CCDC60: variants seen among roughly 807,000 people sequenced by gnomAD.
The protein encoded by CCDC60 is coiled-coil domain-containing protein 60.
CCDC60 carries 54 observed loss-of-function variants against 63.5 expected under a neutral mutation model. The ratio of observed to expected loss-of-function variants is 0.85; its 90% CI spans 0.68 to 1.07. The LOEUF (loss-of-function observed/expected upper bound fraction) is 1.07, where lower values mean the gene tolerates loss of function less well. Ranked by LOEUF, CCDC60 falls within the 50% of genes least tolerant of loss-of-function variation. CCDC60 has a pLI of 0.00. For missense variants in CCDC60, 651 were observed against 684.3 expected, an observed-to-expected ratio of 0.95 and a Z score of 0.54; for synonymous variants, 206 against 238.8, an observed-to-expected ratio of 0.86 and a Z score of 1.27.
intron 2 of CCDC60, among the ~76,000 whole-genome samples, chr12:119,449,175 G>A (rs900236052): frequency 7.2e-5 from 11 of 152,120 alleles, no homozygotes; most frequent in African/African-American, 1.4e-4. Context: ...AGATTCTACC[G>A]TCAATCAAAG....
intron 2 of CCDC60, among the ~76,000 whole-genome samples, chr12:119,442,842 C>T (rs921785532): frequency 6.6e-6 from 1 of 152,232 alleles, no homozygotes; most frequent in African/African-American, 2.4e-5. Context: ...TTGCTGACAA[C>T]TTCATAAATG....
intron 3 of CCDC60, 136 bp from the exon 4 acceptor site, chr12:119,478,958 C>G (rs759942880): frequency 3.7e-5 from 25 of 677,338 alleles, no homozygotes; most frequent in African/African-American, 5.4e-5. Flanking sequence ...AAACCCTCAT[C>G]CCTCCAGCAG....
Position 119,540,951 on chromosome 12 carries a change from A to G in CCDC60, c.*236A>G, listed in dbSNP as rs559649977. On this transcript the variant is annotated 3_prime_UTR_variant, in exon 14 of 14. Transcript: ENST00000327554. ...CCCAACCTACCAGTCTCTGTTCTTC[A>G]ATGATCCAGCCTGACTCTACCTACT... 2.7e-5 allele frequency: 12 copies of G among 439,818 alleles called. No individual in the cohort carries two copies. The highest frequency in any genetic ancestry group is 2.2e-4 in the African/African-American group (11 of 49,226). The allele number at this position is 439,818 out of a possible 1,614,324, so 27.2% of individuals were successfully genotyped here.
At chr12:119,533,790 G>A (rs1398506566) in intron 13 of CCDC60, among the ~76,000 whole-genome samples, 2 of 152,054 alleles carry the variant, frequency 1.3e-5, no homozygotes, top group African/African-American at 2.4e-5. Context: ...GTCTGTTTTG[G>A]TACCAGTACC....
At chr12:119,415,142 G>A (rs1956676936) in intron 1 of CCDC60, among the ~76,000 whole-genome samples, 1 of 152,156 alleles carries the variant, frequency 6.6e-6, no homozygotes, top group Admixed American at 6.5e-5. Context: ...CATTCACTTA[G>A]ACTAAAATGC....
intron 1 of CCDC60, among the ~76,000 whole-genome samples, chr12:119,373,336 G>T (rs1451843330): frequency 2.0e-5 from 3 of 152,130 alleles, no homozygotes; most frequent in Non-Finnish European, 4.4e-5. Flanking sequence ...AAGAAAAGCT[G>T]GCTCCAATCA....
At chr12:119,519,407 G>A (rs989436157) in intron 8 of CCDC60, among the ~76,000 whole-genome samples, 1 of 93,052 alleles carries the variant, frequency 1.1e-5, no homozygotes, top group Admixed American at 1.0e-4. Context: ...ATATATGTGT[G>A]TGTGTGTGTG....
chr12:119,465,474 C>T (rs1428909204), intron 2 of CCDC60, among the ~76,000 whole-genome samples: 1 of 151,188 alleles, frequency 6.6e-6, no homozygotes, highest in Non-Finnish European at 1.5e-5. Flanking sequence ...ATGTATAAAG[C>T]AGACCGGGCG....
At chr12:119,417,992 A>G (rs2136211445) in intron 1 of CCDC60, among the ~76,000 whole-genome samples, 1 of 152,266 alleles carries the variant, frequency 6.6e-6, no homozygotes, top group East Asian at 1.9e-4. Flanking sequence ...GTCACTTCAT[A>G]TTTTTTCCCT....
In CCDC60 at chr12:119,410,931, G is replaced by C. The variant is rs925409562; in HGVS notation, c.91-17752G>C. ...CTAATTTTTGTATTTTTTTTTAGTA[G>C]AGACAGGGTTTTGCCATGTTGGCTA... is the stretch of plus-strand genomic sequence containing the variant. On this transcript the variant is annotated intron_variant, in intron 1 of 13. Coordinates refer to ENST00000327554, the MANE Select transcript of CCDC60 (RefSeq NM_178499.5). The surrounding 1 kb of genome is among the most constrained non-coding windows in gnomAD (Gnocchi z 4.0). 6.6e-6 allele frequency among the ~76,000 whole-genome samples: 1 copy of C among 151,950 alleles called. No homozygotes were observed. The highest frequency in any genetic ancestry group is 6.6e-5 in the Admixed American group (1 of 15,260).
chr12:119,519,616 C>T (rs1169534642), intron 8 of CCDC60, among the ~76,000 whole-genome samples: 1 of 151,754 alleles, frequency 6.6e-6, no homozygotes, highest in East Asian at 1.9e-4. Context: ...ACATGCACCA[C>T]CACACTCGGC....
chr12:119,453,503 T>C (rs1024691044), intron 2 of CCDC60, among the ~76,000 whole-genome samples: 11 of 152,238 alleles, frequency 7.2e-5, no homozygotes, highest in South Asian at 4.1e-4. Context: ...CCAAGCATTT[T>C]TCCTACCACC....
intron 4 of CCDC60, among the ~76,000 whole-genome samples, chr12:119,482,143 T>C (rs893339580): frequency 4.9e-5 from 7 of 143,484 alleles, no homozygotes; most frequent in East Asian, 3.9e-4. Context: ...CACATATATA[T>C]ACACACACAC....
intron 1 of CCDC60, among the ~76,000 whole-genome samples, chr12:119,425,569 G>C (rs1011318100): frequency 5.3e-5 from 8 of 152,216 alleles, no homozygotes; most frequent in Non-Finnish European, 1.0e-4. Context: ...CAAGATTCCA[G>C]TGAAGCTTGA....
intron 2 of CCDC60, among the ~76,000 whole-genome samples, chr12:119,431,752 CACTGCA>C (rs969538830): frequency 6.6e-6 from 1 of 152,196 alleles, no homozygotes; most frequent in African/African-American, 2.4e-5. Context: ...AGTCTCAGCT[CACTGCA>C]ACCTCCGCCT....
intron 1 of CCDC60, among the ~76,000 whole-genome samples, chr12:119,413,123 T>G (rs1195014252): frequency 6.6e-6 from 1 of 152,200 alleles, no homozygotes; most frequent in East Asian, 1.9e-4. Flanking sequence ...GTCTGACAGC[T>G]GGACTGCTGG....
At chr12:119,393,392 A>G (rs890504966) in intron 1 of CCDC60, among the ~76,000 whole-genome samples, 1 of 152,204 alleles carries the variant, frequency 6.6e-6, no homozygotes, top group African/African-American at 2.4e-5. Flanking sequence ...TTCTGATTTT[A>G]TACTTCCTGC....
At chr12:119,360,163 C>T (rs2136163683) in intron 1 of CCDC60, among the ~76,000 whole-genome samples, 2 of 149,904 alleles carry the variant, frequency 1.3e-5, no homozygotes, top group African/African-American at 5.0e-5. Context: ...GGGCGGGGGG[C>T]TGACCCCCCC....
At chr12:119,467,051 T>G (rs1026416464) in intron 2 of CCDC60, among the ~76,000 whole-genome samples, 2 of 152,242 alleles carry the variant, frequency 1.3e-5, no homozygotes, top group African/African-American at 4.8e-5. Context: ...AACTACCGCT[T>G]ATTCTACATG....
Sources: allele counts gnomAD v4.1 joint callset (sites outside exome capture counted in the v4.1 genomes callset), GRCh38; gene constraint gnomAD v4.1.1; non-coding constraint Gnocchi (gnomAD v3.1); transcripts MANE v1.5; gene names NCBI Gene and HGNC (gene_info 2026-07-23, HGNC 2026-07-21).